Variants in SENP7 observed in about 807,000 individuals in gnomAD.
SENP7 encodes the protein SUMO specific peptidase 7.
A neutral mutation model predicts 141.2 loss-of-function variants in SENP7; 64 were observed. The ratio of observed to expected loss-of-function variants is 0.45; its 90% CI spans 0.37 to 0.56. SENP7 has a LOEUF of 0.56. Among genes scored for constraint, SENP7 ranks in the 20% least tolerant of loss-of-function variants. SENP7 has a pLI of 0.00. For missense variants in SENP7, 1,025 were observed against 1,212.2 expected, an observed-to-expected ratio of 0.85 and a Z score of 2.29; for synonymous variants, 382 against 426.4, an observed-to-expected ratio of 0.90 and a Z score of 1.28.
intron 4 of SENP7, among the ~76,000 whole-genome samples, chr3:101,433,578 T>C (rs1034380473): frequency 3.3e-5 from 5 of 152,116 alleles, no homozygotes; most frequent in African/African-American, 4.8e-5. Flanking sequence ...TAGAAAAATG[T>C]ACTCCATTCC....
Position 101,366,703 on chromosome 3 carries a change from C to G in SENP7, c.1045G>C (p.Asp349His), listed in dbSNP as rs771057316. The change falls in exon 9 of 24, where the codon GAT becomes CAT. Residue 349 changes from aspartate to histidine, a missense_variant. Coordinates refer to ENST00000394095, the MANE Select transcript of SENP7 (RefSeq NM_020654.5). ...GTAATTTCTTCAGGCAGTTTTGGAT[C>G]CTGATGATAGTTTTCACTTGGCTTT... ...FEKPSENYHQ[D>H]PKLPEEITTK... 3.7e-6 allele frequency: 6 copies of G among 1,612,552 alleles called. No homozygotes were observed. The Admixed American group carries it at 1.0e-4, about 27-fold the overall frequency.
intron 4 of SENP7, among the ~76,000 whole-genome samples, chr3:101,423,553 T>C (rs1231152260): frequency 6.6e-6 from 1 of 151,964 alleles, no homozygotes; most frequent in Non-Finnish European, 1.5e-5. Context: ...CTCCTAGGTA[T>C]TTACCCAAAA....
At chr3:101,394,689 T>C (rs1165417178) in intron 6 of SENP7, among the ~76,000 whole-genome samples, 1 of 152,046 alleles carries the variant, frequency 6.6e-6, no homozygotes, top group African/African-American at 2.4e-5. Flanking sequence ...TTGTTTCTTT[T>C]TTTTAATCTA....
At chr3:101,435,412 C>T (rs1333633340) in intron 4 of SENP7, among the ~76,000 whole-genome samples, 1 of 151,988 alleles carries the variant, frequency 6.6e-6, no homozygotes, top group Non-Finnish European at 1.5e-5. Flanking sequence ...TGTTATTTAA[C>T]ATAGTATTGG....
At chr3:101,510,343 GC>G (rs1477265246) in intron 1 of SENP7, among the ~76,000 whole-genome samples, 3 of 152,150 alleles carry the variant, frequency 2.0e-5, no homozygotes, top group Non-Finnish European at 4.4e-5. Context: ...TCTGCTACTT[GC>G]AACTGAAAAA....
intron 1 of SENP7, among the ~76,000 whole-genome samples, chr3:101,508,635 C>T (rs1247460269): frequency 1.3e-5 from 2 of 152,250 alleles, no homozygotes; most frequent in South Asian, 4.1e-4. Flanking sequence ...GAAAACTGTT[C>T]CTTACAGCTT....
chr3:101,422,565 G>A (rs1416005113), intron 4 of SENP7, among the ~76,000 whole-genome samples: 1 of 151,992 alleles, frequency 6.6e-6, no homozygotes, highest in Non-Finnish European at 1.5e-5. Context: ...TATATACTTA[G>A]GTAGGCTGGT....
At chr3:101,488,889 A>T (rs1339887336) in intron 3 of SENP7, among the ~76,000 whole-genome samples, 1 of 152,142 alleles carries the variant, frequency 6.6e-6, no homozygotes, top group Non-Finnish European at 1.5e-5. Context: ...CAAAAGAAAA[A>T]ATCTTAAAGG....
At chr3:101,436,125 C>T (rs2062378351) in intron 4 of SENP7, among the ~76,000 whole-genome samples, 1 of 152,066 alleles carries the variant, frequency 6.6e-6, no homozygotes, top group Non-Finnish European at 1.5e-5. Context: ...ACCCATACAC[C>T]TACAGTGAAC....
intron 3 of SENP7, among the ~76,000 whole-genome samples, chr3:101,480,211 C>G (rs966624048): frequency 1.3e-5 from 2 of 151,938 alleles, no homozygotes; most frequent in Non-Finnish European, 2.9e-5. Flanking sequence ...TCCAAATTGC[C>G]AAAACATTCC....
chr3:101,332,534 T>C (rs2059084383), intron 18 of SENP7, among the ~76,000 whole-genome samples: 2 of 152,124 alleles, frequency 1.3e-5, no homozygotes, highest in South Asian at 2.1e-4. Flanking sequence ...TCAGTCATTA[T>C]AGTCTTGTGG....
chr3:101,428,885 G>A (rs943305242), intron 4 of SENP7, among the ~76,000 whole-genome samples: 1 of 152,084 alleles, frequency 6.6e-6, no homozygotes, highest in Non-Finnish European at 1.5e-5. Context: ...TCTAAGGAAG[G>A]AGTCATTTCA....
At chr3:101,390,857 A>C (rs1461982848) in intron 6 of SENP7, among the ~76,000 whole-genome samples, 9 of 152,182 alleles carry the variant, frequency 5.9e-5, no homozygotes, top group Non-Finnish European at 1.3e-4. Flanking sequence ...AAGACACAAA[A>C]CAAATCTCAA....
intron 4 of SENP7, among the ~76,000 whole-genome samples, 191 bp from the exon 5 acceptor site, chr3:101,417,981 A>C (rs2061676508): frequency 1.3e-5 from 2 of 152,190 alleles, no homozygotes; most frequent in Non-Finnish European, 2.9e-5. Flanking sequence ...TATTTCACTT[A>C]AGTTGGGATT....
At chr3:101,394,506 C>CT (rs1241036951) in intron 6 of SENP7, among the ~76,000 whole-genome samples, 49 of 147,256 alleles carry the variant, frequency 3.3e-4, no homozygotes, top group African/African-American at 1.1e-3. Flanking sequence ...TTTTATGTTT[C>CT]TTTTTAAAAA....
Position 101,325,432 on chromosome 3 carries a change from G to T in SENP7, c.*511C>A, listed in dbSNP as rs1353557685. On this transcript the variant is annotated 3_prime_UTR_variant, in exon 24 of 24. Coordinates refer to ENST00000394095, the MANE Select transcript of SENP7 (RefSeq NM_020654.5). Reference sequence around the variant, plus strand: ...ACATACAGAAGGGATGCCGTAAATGGCATTTTCTGAAGCCTTGATACTAAA... The same window carrying T: ...ACATACAGAAGGGATGCCGTAAATGTCATTTTCTGAAGCCTTGATACTAAA... 2 of 152,456 alleles carry T rather than the reference G, an allele frequency of 1.3e-5. No homozygotes were observed. The highest frequency in any genetic ancestry group is 1.3e-4 in the Admixed American group (2 of 15,242). The allele number at this position is 152,456 out of a possible 1,614,324, so 9.4% of individuals were successfully genotyped here. A position where few individuals can be genotyped will look rare whatever the true frequency, so the allele number is the denominator to read the frequency against.
At chr3:101,370,865 A>AT (rs2060159803) in intron 7 of SENP7, among the ~76,000 whole-genome samples, 1 of 152,162 alleles carries the variant, frequency 6.6e-6, no homozygotes, top group Non-Finnish European at 1.5e-5. Context: ...TTCATTTTAA[A>AT]TTTTTTTCTA....
At chr3:101,384,796 G>A (rs1359612493) in intron 6 of SENP7, among the ~76,000 whole-genome samples, 3 of 152,170 alleles carry the variant, frequency 2.0e-5, no homozygotes, top group Non-Finnish European at 2.9e-5. Flanking sequence ...GTCACCAGCT[G>A]GCGAAGCAAC....
intron 6 of SENP7, among the ~76,000 whole-genome samples, chr3:101,381,497 G>A (rs1211686995): frequency 6.6e-6 from 1 of 151,700 alleles, no homozygotes. Flanking sequence ...TTATTATTGA[G>A]GAATGGATTA....
Sources: allele counts gnomAD v4.1 joint callset (sites outside exome capture counted in the v4.1 genomes callset), GRCh38; gene constraint gnomAD v4.1.1; transcripts MANE v1.5; gene names NCBI Gene and HGNC (gene_info 2026-07-23, HGNC 2026-07-21).